The following COX10 variants were observed in gnomAD, a reference collection of about 807,000 sequenced individuals.
The protein encoded by COX10 is protoheme IX farnesyltransferase, mitochondrial.
Under a neutral mutation model 37.3 loss-of-function variants are expected in COX10, and 27 were observed. The ratio of observed to expected loss-of-function variants is 0.72; its 90% CI spans 0.53 to 1.00. The LOEUF is 1.00. COX10 is among the 50% of genes least tolerant of loss of function. COX10 has a pLI of 0.00. For synonymous variants in COX10, 222 were observed against 229.1 expected (o/e 0.97, Z 0.28); for missense variants, 475 against 563.2 (o/e 0.84, Z 1.59).
intron 4 of COX10, among the ~76,000 whole-genome samples, chr17:14,131,993 T>G (rs993825033): frequency 6.6e-6 from 1 of 152,042 alleles, no homozygotes; most frequent in Non-Finnish European, 1.5e-5. Context: ...TCTTTAAATA[T>G]GTACATTGTT....
chr17:14,085,099 A>C (rs2142188375), intron 3 of COX10, among the ~76,000 whole-genome samples: 1 of 152,086 alleles, frequency 6.6e-6, no homozygotes, highest in South Asian at 2.1e-4. Flanking sequence ...TTGTGGTTAC[A>C]GGCATATTTT....
At chr17:14,131,695 C>G (rs1027676280) in intron 4 of COX10, among the ~76,000 whole-genome samples, 23 of 151,900 alleles carry the variant, frequency 1.5e-4, no homozygotes, top group African/African-American at 5.6e-4. Context: ...CACATTTTCC[C>G]CTTCAAATAA....
intron 4 of COX10, among the ~76,000 whole-genome samples, chr17:14,141,980 T>C (rs1248860698): frequency 6.6e-6 from 1 of 152,188 alleles, no homozygotes; most frequent in East Asian, 1.9e-4. Flanking sequence ...TTTTAAAATG[T>C]CTTTTCTGTC....
intron 5 of COX10, among the ~76,000 whole-genome samples, chr17:14,162,539 T>C (rs912551787): frequency 6.6e-6 from 1 of 152,178 alleles, no homozygotes; most frequent in Non-Finnish European, 1.5e-5. Flanking sequence ...ACAGACTTCT[T>C]ATATTTACCT....
At chr17:14,132,547 A>T (rs1916490567) in intron 4 of COX10, among the ~76,000 whole-genome samples, 1 of 151,752 alleles carries the variant, frequency 6.6e-6, no homozygotes, top group African/African-American at 2.4e-5. Flanking sequence ...TTTTTTATCC[A>T]TAATATTTTC....
intron 5 of COX10, among the ~76,000 whole-genome samples, chr17:14,183,705 CA>C (rs1221915977): frequency 1.3e-5 from 2 of 152,390 alleles, no homozygotes; most frequent in African/African-American, 4.8e-5. Flanking sequence ...CAAAATAAAT[CA>C]GGGGAAACAA....
intron 4 of COX10, among the ~76,000 whole-genome samples, chr17:14,118,815 TTTAAAATAGTTCCATTTC>T (rs1314871178): frequency 6.6e-6 from 1 of 152,104 alleles, no homozygotes; most frequent in Admixed American, 6.5e-5. Flanking sequence ...TTTTAGTTTC[TTTAAAATAGTTCCATTTC>T]TCACCCATTT....
chr17:14,148,698 A>G (rs1320703322), intron 4 of COX10, among the ~76,000 whole-genome samples: 1 of 152,260 alleles, frequency 6.6e-6, no homozygotes, highest in East Asian at 1.9e-4. Flanking sequence ...TCTAGAATAC[A>G]TCTGCCTTTT....
chr17:14,149,059 A>G (rs1463994815), intron 4 of COX10, among the ~76,000 whole-genome samples: 1 of 149,494 alleles, frequency 6.7e-6, no homozygotes, highest in Non-Finnish European at 1.5e-5. Flanking sequence ...ACATAAAAAT[A>G]TGTATAATAA....
intron 4 of COX10, among the ~76,000 whole-genome samples, chr17:14,110,445 C>T (rs1050523299): frequency 6.6e-6 from 1 of 151,838 alleles, no homozygotes; most frequent in East Asian, 1.9e-4. Flanking sequence ...TTAATTGAGA[C>T]ATAATGGAAA....
chr17:14,185,003 G>A (rs1024932326), intron 5 of COX10, among the ~76,000 whole-genome samples: 10 of 148,076 alleles, frequency 6.8e-5, no homozygotes, highest in Non-Finnish European at 1.0e-4. Flanking sequence ...TAAGGTAACT[G>A]AGCCCAGAGA....
At chr17:14,098,412 G>A (rs1371424024) in intron 3 of COX10, among the ~76,000 whole-genome samples, 3 of 152,110 alleles carry the variant, frequency 2.0e-5, no homozygotes, top group Non-Finnish European at 2.9e-5. Flanking sequence ...TGTCACTGAC[G>A]CAATATGTGA....
chr17:14,200,751 A>G (rs192905892), intron 6 of COX10, among the ~76,000 whole-genome samples: 22 of 152,362 alleles, frequency 1.4e-4, no homozygotes, highest in Admixed American at 1.4e-3. Flanking sequence ...TCTTTCAAAC[A>G]TGATTAAACC....
intron 3 of COX10, among the ~76,000 whole-genome samples, chr17:14,089,716 G>A (rs557287664): frequency 6.6e-6 from 1 of 152,242 alleles, no homozygotes; most frequent in African/African-American, 2.4e-5. Context: ...ACTATTTCTA[G>A]GAGTTCTCAA....
intron 3 of COX10, among the ~76,000 whole-genome samples, chr17:14,079,359 A>C (rs1266306092): frequency 6.6e-6 from 1 of 152,180 alleles, no homozygotes; most frequent in East Asian, 1.9e-4. Context: ...GAAGATGAGA[A>C]GGAGAATTTT....
At chr17:14,190,044 T>C (rs1906153776) in intron 5 of COX10, among the ~76,000 whole-genome samples, 1 of 152,154 alleles carries the variant, frequency 6.6e-6, no homozygotes, top group Admixed American at 6.5e-5. Flanking sequence ...CAGCCTCTTC[T>C]GAAATGGGAG....
intron 4 of COX10, among the ~76,000 whole-genome samples, chr17:14,150,926 TA>T (rs1361320413): frequency 2.0e-5 from 3 of 152,190 alleles, no homozygotes; most frequent in African/African-American, 4.8e-5. Flanking sequence ...GGCCAAACAG[TA>T]TATTCTAAGG....
intron 4 of COX10, among the ~76,000 whole-genome samples, chr17:14,149,045 A>G (rs1415583462): frequency 2.7e-5 from 4 of 149,220 alleles, no homozygotes; most frequent in Non-Finnish European, 5.9e-5. Flanking sequence ...ATTAATATTC[A>G]CTAACATAAA....
intron 3 of COX10, among the ~76,000 whole-genome samples, chr17:14,093,021 G>T (rs983241741): frequency 6.6e-6 from 1 of 152,102 alleles, no homozygotes; most frequent in African/African-American, 2.4e-5. Context: ...AGCTTTCCAC[G>T]TTAAACAGCT....
Sources: gnomAD v4.1 joint callset for allele counts (sites outside exome capture counted in the v4.1 genomes callset) on GRCh38, gnomAD v4.1.1 for gene constraint, MANE v1.5 for transcripts, NCBI Gene and HGNC (gene_info 2026-07-23, HGNC 2026-07-21) for gene names.